The following ASPH variants were observed in gnomAD, a reference collection of about 807,000 sequenced individuals.
ASPH encodes the protein aspartyl/asparaginyl beta-hydroxylase.
A neutral mutation model predicts 118.4 loss-of-function variants in ASPH; 100 were observed. That is an observed-to-expected ratio of 0.84 (90% CI 0.72 to 1.00). The LOEUF (loss-of-function observed/expected upper bound fraction) is 1.00, where lower values mean the gene tolerates loss of function less well. Ranked by LOEUF, ASPH falls within the 50% of genes least tolerant of loss-of-function variation. ASPH has a pLI of 0.00. For synonymous variants in ASPH, 315 were observed against 325.6 expected (o/e 0.97, Z 0.35); for missense variants, 920 against 919.5 (o/e 1.00, Z -0.01).
At chr8:61,652,155 T>C (rs1347136376) in intron 4 of ASPH, among the ~76,000 whole-genome samples, 5 of 152,244 alleles carry the variant, frequency 3.3e-5, no homozygotes, top group African/African-American at 7.2e-5. Context: ...CTTGTGCTAT[T>C]ATAGAGTCTG....
intron 21 of ASPH, among the ~76,000 whole-genome samples, chr8:61,534,152 G>T (rs1247251117): frequency 6.6e-6 from 1 of 152,124 alleles, no homozygotes; most frequent in South Asian, 2.1e-4. Flanking sequence ...TCTCCATGTT[G>T]GTCAGGCTGG....
chr8:61,626,423 A>G lies in ASPH; in HGVS notation c.934+7260T>C, dbSNP rs1852845476. ...TGTTTGTTTTTAAGGACAACTTGGT[A>G]ACAGAATAATCAACTACCGAAAGAA... On this transcript the variant is annotated intron_variant, in intron 13 of 24. Coordinates refer to ENST00000379454, the MANE Select transcript of ASPH (RefSeq NM_004318.4). The G allele has an allele frequency of 2.5e-6, 3 of 1,209,922 alleles. No homozygotes were observed. In the East Asian group the frequency reaches 9.3e-5, roughly 37 times the overall value. 74.9% of individuals were successfully genotyped at this position (1,209,922 alleles called of 1,614,324 possible).
At chr8:61,648,379 A>G (rs1809151428) in intron 5 of ASPH, among the ~76,000 whole-genome samples, 1 of 152,192 alleles carries the variant, frequency 6.6e-6, no homozygotes, top group African/African-American at 2.4e-5. Context: ...AGGCAGGCCT[A>G]TTTATGTTGA....
chr8:61,529,502 G>A (rs1046381579), intron 21 of ASPH, among the ~76,000 whole-genome samples: 2 of 152,196 alleles, frequency 1.3e-5, no homozygotes, highest in Non-Finnish European at 2.9e-5. Context: ...TCCAACTTTG[G>A]AAAGACAAAC....
At chr8:61,548,492 G>T (rs889440290) in intron 20 of ASPH, among the ~76,000 whole-genome samples, 1 of 152,072 alleles carries the variant, frequency 6.6e-6, no homozygotes, top group African/African-American at 2.4e-5. Context: ...GGTCTCCCTC[G>T]AGTGTCCAGC....
chr8:61,540,231 T>C (rs1262826362), intron 21 of ASPH, among the ~76,000 whole-genome samples: 1 of 152,224 alleles, frequency 6.6e-6, no homozygotes, highest in Non-Finnish European at 1.5e-5. Context: ...CCAAATCTCA[T>C]AATCTCATGT....
At chr8:61,632,699 A>G in intron 13 of ASPH, 1 of 482,638 alleles carries the variant, frequency 2.1e-6, no homozygotes, top group Non-Finnish European at 4.1e-6. Context: ...TGTACATGGC[A>G]GGACAACTAT....
At chr8:61,625,811 C>T (rs1852552650) in intron 13 of ASPH, 2 of 987,140 alleles carry the variant, frequency 2.0e-6, no homozygotes, top group African/African-American at 1.7e-5. Flanking sequence ...AGTGCTAACA[C>T]AAAGTACTCT....
chr8:61,562,358 CAAAA>C (rs66585881), intron 18 of ASPH, among the ~76,000 whole-genome samples: 6 of 111,354 alleles, frequency 5.4e-5, no homozygotes, highest in Non-Finnish European at 3.5e-5. Context: ...ATACTTCTGC[CAAAA>C]AAAAAAAAAA....
intron 3 of ASPH, chr8:61,662,792 A>C: frequency 1.0e-6 from 1 of 952,610 alleles, no homozygotes; most frequent in East Asian, 1.2e-4. Flanking sequence ...GCTAACAGTC[A>C]AAGGAAAAAT....
intron 13 of ASPH, chr8:61,624,585 T>TA: frequency 1.0e-6 from 1 of 983,798 alleles, no homozygotes; most frequent in Non-Finnish European, 1.2e-6. Flanking sequence ...AGAAGACATT[T>TA]ACATTATTTT....
At chr8:61,567,765 T>C (rs1195454289) in intron 16 of ASPH, among the ~76,000 whole-genome samples, 1 of 152,214 alleles carries the variant, frequency 6.6e-6, no homozygotes, top group Admixed American at 6.5e-5. Flanking sequence ...TTGCTTCTAC[T>C]TTGCATCCAT....
chr8:61,586,249 T>G (rs1839413434), intron 14 of ASPH, among the ~76,000 whole-genome samples: 2 of 152,216 alleles, frequency 1.3e-5, no homozygotes, highest in African/African-American at 2.4e-5. Flanking sequence ...CAGTCTTCAG[T>G]CTCTTTAGCG....
In ASPH at chr8:61,688,039, G is replaced by A. The variant is rs1236958184; in HGVS notation, c.104-3851C>T. 5.3e-5 allele frequency among the ~76,000 whole-genome samples: 8 copies of A among 152,124 alleles called. No homozygotes were observed. In the East Asian group the frequency reaches 1.5e-3, roughly 29 times the overall value. On this transcript the variant is annotated intron_variant, in intron 1 of 24. Coordinates refer to ENST00000379454, the MANE Select transcript of ASPH (RefSeq NM_004318.4). ...TCATTTGGTAAATATGCTGTGCCTA[G>A]TCCCAAAGGGCAGATCAGTTTCTGT...
In ASPH at chr8:61,663,290, C is replaced by T. The variant is rs1057215386; in HGVS notation, c.323-9630G>A. The T allele has an allele frequency of 8.1e-6, 8 of 985,072 alleles. No individual in the cohort carries two copies. In the African/African-American group the frequency reaches 8.7e-5, roughly 11 times the overall value. The allele number at this position is 985,072 out of a possible 1,614,324, so 61.0% of individuals were successfully genotyped here. A position where few individuals can be genotyped will look rare whatever the true frequency, so the allele number is the denominator to read the frequency against. On this transcript the variant is annotated intron_variant, in intron 3 of 24. Coordinates refer to ENST00000379454, the MANE Select transcript of ASPH (RefSeq NM_004318.4). Reference sequence around the variant, plus strand: ...TTCCAAAGCTTTGTGCACAGGTGTGCGCCTGGGAAGAATCACCATCCTCAA... The same window carrying T: ...TTCCAAAGCTTTGTGCACAGGTGTGTGCCTGGGAAGAATCACCATCCTCAA...
intron 3 of ASPH, chr8:61,675,171 G>A (rs1824652240): frequency 2.2e-6 from 1 of 449,366 alleles, no homozygotes; most frequent in South Asian, 9.5e-5. Flanking sequence ...ACTTCAATAA[G>A]TTTATAATTC....
intron 3 of ASPH, chr8:61,664,952 A>T: frequency 1.8e-6 from 2 of 1,116,848 alleles, no homozygotes; most frequent in Non-Finnish European, 2.2e-6. Flanking sequence ...ACGTCAATGA[A>T]AGTATTCAAT....
intron 1 of ASPH, among the ~76,000 whole-genome samples, chr8:61,701,188 T>C (rs1835163812): frequency 6.6e-6 from 1 of 152,212 alleles, no homozygotes. Flanking sequence ...TTGGTGAAGA[T>C]GTGAAATAGC....
rs138163122 is a variant in ASPH at position 61,512,346 on chromosome 8, T to C, written c.2126+5182A>G. Among the ~76,000 whole-genome samples, 14 of 152,246 alleles carry C rather than the reference T, an allele frequency of 9.2e-5. No homozygotes were observed. In the East Asian group the frequency reaches 1.5e-3, roughly 17 times the overall value. On this transcript the variant is annotated intron_variant, in intron 24 of 24. Coordinates refer to ENST00000379454, the MANE Select transcript of ASPH (RefSeq NM_004318.4). ...TTAGGGTAGGCCCTAAATCCAATGA[T>C]AAATGTTCTTAGAAAAGAAAAGAGG...
Sources: allele counts gnomAD v4.1 joint callset (sites outside exome capture counted in the v4.1 genomes callset), GRCh38; gene constraint gnomAD v4.1.1; transcripts MANE v1.5; gene names NCBI Gene and HGNC (gene_info 2026-07-23, HGNC 2026-07-21).